The following CDC42BPB variants were observed in gnomAD, a reference collection of about 807,000 sequenced individuals.
The protein encoded by CDC42BPB is CDC42 binding protein kinase beta, also known as serine/threonine-protein kinase MRCK beta.
CDC42BPB carries 37 observed loss-of-function variants against 214.9 expected under a neutral mutation model. That is an observed-to-expected ratio of 0.17 (90% CI 0.13 to 0.23). The LOEUF (loss-of-function observed/expected upper bound fraction) is 0.23. CDC42BPB is among the 10% of genes least tolerant of loss of function. The pLI, the probability that CDC42BPB is intolerant of heterozygous loss-of-function variation, is 1.00. For synonymous variants in CDC42BPB, 931 were observed against 884.0 expected (o/e 1.05, Z -0.94); for missense variants, 1,694 against 2,227.0 (o/e 0.76, Z 4.82).
rs1441946899 is a variant in CDC42BPB, at chr14:102,976,064, A to G, written c.1221-15T>C. 2 of 1,604,180 alleles carry G rather than the reference A, an allele frequency of 1.2e-6. No homozygotes were observed. Among genetic ancestry groups the G allele is most frequent in the African/African-American group, 1.3e-5 (1 of 74,776 alleles). On this transcript the variant is annotated splice_polypyrimidine_tract_variant and intron_variant, in intron 9 of 36. Coordinates refer to ENST00000361246, the MANE Select transcript of CDC42BPB (RefSeq NM_006035.4). The stretch of plus-strand genomic sequence containing the variant: ...CAGAAAAACAGCTGGGAAACCAAGC[A>G]ACAGGTTTTTTTGATCTACTGAAAA...
intron 17 of CDC42BPB, 164 bp from the exon 18 acceptor site, chr14:102,966,551 T>A (rs1257547027): frequency 1.0e-6 from 1 of 983,726 alleles, no homozygotes; most frequent in Non-Finnish European, 1.2e-6. Context: ...CATTGATGGA[T>A]GCGTCGTTAC....
At chr14:102,934,504 A>T (rs1385326038) in intron 36 of CDC42BPB, among the ~76,000 whole-genome samples, 2 of 152,226 alleles carry the variant, frequency 1.3e-5, no homozygotes, top group Middle Eastern at 3.4e-3. Flanking sequence ...ACTGCACTCC[A>T]GCCTGGGCGA....
Position 102,943,882 on chromosome 14 carries a change from T to C in CDC42BPB, c.4408+9A>G. ...CAACAGGGATATGCAACAGAAAACATATACATACTACAGGCGACAGGAGCC... is the reference window on the plus strand; with the variant it reads ...CAACAGGGATATGCAACAGAAAACACATACATACTACAGGCGACAGGAGCC... On this transcript the variant is annotated intron_variant, in intron 30 of 36. Transcript: ENST00000361246. This position sits in a 1 kb window ranked among gnomAD's most constrained non-coding sequence, Gnocchi z 4.6. 1 of 1,596,800 alleles carries C rather than the reference T, an allele frequency of 6.3e-7. No individual in the cohort carries two copies. Among genetic ancestry groups the C allele is most frequent in the Non-Finnish European group, 8.5e-7 (1 of 1,173,472 alleles).
chr14:102,965,372 C>A, intron 18 of CDC42BPB, among the ~76,000 whole-genome samples: 1 of 142,050 alleles, frequency 7.0e-6, no homozygotes. Flanking sequence ...TGTCATTACT[C>A]ATTCCTACCT....
At position 102,939,677 on chromosome 14, in the gene CDC42BPB, G is replaced by A. The variant is rs1379502143; in HGVS notation, c.4760C>T (p.Thr1587Ile). 1.9e-6 allele frequency: 3 copies of A among 1,614,094 alleles called. No homozygotes were observed. Among genetic ancestry groups the A allele is most frequent in the African/African-American group, 2.7e-5 (2 of 74,954 alleles). Residue 1587 changes from threonine (T) to isoleucine (I), a missense_variant, in exon 34 of 37, where the codon ACC becomes ATC. Coordinates refer to ENST00000361246, the MANE Select transcript of CDC42BPB (RefSeq NM_006035.4). ...ELRSKMISNP[T>I]NFNHVAHMGP... Reference sequence around the variant, plus strand: ...CATGTGGGCCACGTGGTTGAAGTTGGTTGGGTTGGATATCATTTTGGATCT... The same window carrying A: ...CATGTGGGCCACGTGGTTGAAGTTGATTGGGTTGGATATCATTTTGGATCT...
intron 30 of CDC42BPB, chr14:102,940,526 T>A: frequency 7.3e-7 from 1 of 1,363,944 alleles, no homozygotes; most frequent in Non-Finnish European, 9.7e-7. Context: ...ATCCAATGTT[T>A]AAATGCTCCA....
chr14:102,936,070 G>C (rs550754601), intron 36 of CDC42BPB, among the ~76,000 whole-genome samples: 1 of 152,324 alleles, frequency 6.6e-6, no homozygotes, highest in Admixed American at 6.5e-5. Flanking sequence ...ATAGCCACCA[G>C]GACGACTATT....
rs1298927172 is a variant in CDC42BPB at position 102,933,222 on chromosome 14, A to G, written c.*490T>C. ...TGGCTAAATGAAAAAAAGGCCACAG[A>G]CTAACCTCCACTTTCCTGTCTTCAA... On this transcript the variant is annotated 3_prime_UTR_variant, in exon 37 of 37. Transcript: ENST00000361246. The G allele has an allele frequency of 1.3e-5, 2 of 153,098 alleles. No individual in the cohort carries two copies. The highest frequency in any genetic ancestry group is 4.1e-4 in the South Asian group (2 of 4,840). 9.5% of individuals were successfully genotyped at this position (153,098 alleles called of 1,614,324 possible).
In CDC42BPB at chr14:103,008,451, C is replaced by T. The variant is rs377597174; in HGVS notation, c.351+21G>A. 6 of 1,516,438 alleles carry T rather than the reference C, an allele frequency of 4.0e-6. No individual in the cohort carries two copies. The African/African-American group carries it at 4.1e-5, about 10-fold the overall frequency. 93.9% of individuals were successfully genotyped at this position (1,516,438 alleles called of 1,614,324 possible). ...CTCACCCCAAGCCCCATTTGTATGG[C>T]TTTTCAAGCTCCATACTTACCTCTG... is the stretch of plus-strand genomic sequence containing the variant. On this transcript the variant is annotated intron_variant, in intron 3 of 36. Transcript: ENST00000361246.
chr14:103,015,865 C>T (rs373729450), intron 1 of CDC42BPB, among the ~76,000 whole-genome samples: 5 of 151,960 alleles, frequency 3.3e-5, no homozygotes, highest in East Asian at 1.9e-4. Context: ...CGTGCCACCA[C>T]ACCCAGCTAA....
chr14:102,967,033 G>T lies in CDC42BPB; in HGVS notation c.2471+13C>A, dbSNP rs755785152. 2 of 1,612,832 alleles carry T rather than the reference G, an allele frequency of 1.2e-6. No individual in the cohort carries two copies. The highest frequency in any genetic ancestry group is 1.7e-6 in the Non-Finnish European group (2 of 1,179,698). ...GAGCGGATTCACGGCCGCTAATGGG[G>T]CCGCGCACGTACCACTGAATGATTT... On this transcript the variant is annotated intron_variant, in intron 17 of 36. Coordinates refer to ENST00000361246, the MANE Select transcript of CDC42BPB (RefSeq NM_006035.4).
intron 1 of CDC42BPB, among the ~76,000 whole-genome samples, chr14:103,048,378 T>C (rs2139773849): frequency 6.6e-6 from 1 of 151,816 alleles, no homozygotes; most frequent in South Asian, 2.1e-4. Context: ...ACCCCATCTG[T>C]ACTAAAAACA....
chr14:103,016,517 G>GGGGAGGGAACCAGGTGAC (rs1886472235), intron 1 of CDC42BPB, among the ~76,000 whole-genome samples: 1 of 151,862 alleles, frequency 6.6e-6, no homozygotes, highest in Non-Finnish European at 1.5e-5. Flanking sequence ...AACCAGGTGA[G>GGGGAGGGAACCAGGTGAC]GGGAGGGAAC....
intron 6 of CDC42BPB, among the ~76,000 whole-genome samples, chr14:102,984,329 A>G (rs17101129): frequency 0.034 from 5,224 of 152,152 alleles, 321 homozygotes; most frequent in African/African-American, 0.12. Flanking sequence ...TTTTTAGAAT[A>G]AAGACTCCAG....
chr14:102,996,790 C>G (rs1392440966), intron 5 of CDC42BPB, among the ~76,000 whole-genome samples: 5 of 115,590 alleles, frequency 4.3e-5, no homozygotes, highest in Non-Finnish European at 8.4e-5. Context: ...CCAGCCTAGG[C>G]AACAAGAGTG....
intron 36 of CDC42BPB, among the ~76,000 whole-genome samples, chr14:102,936,127 T>C (rs567850814): frequency 6.6e-6 from 1 of 152,352 alleles, no homozygotes; most frequent in African/African-American, 2.4e-5. Flanking sequence ...TGTCGAGATA[T>C]GAGAACCCTC....
intron 1 of CDC42BPB, among the ~76,000 whole-genome samples, chr14:103,025,323 G>A (rs764356139): frequency 3.0e-4 from 46 of 151,934 alleles, no homozygotes; most frequent in Non-Finnish European, 4.7e-4. Context: ...GTACCCTACG[G>A]CACAGAAATT....
intron 26 of CDC42BPB, 163 bp from the exon 27 acceptor site, chr14:102,947,965 C>T: frequency 3.0e-6 from 3 of 983,756 alleles, no homozygotes; most frequent in Non-Finnish European, 3.6e-6. Flanking sequence ...CGGGCAGGGC[C>T]AACAAACTCA....
chr14:102,937,819 GA>G (rs1891708580), intron 36 of CDC42BPB, among the ~76,000 whole-genome samples: 1 of 152,248 alleles, frequency 6.6e-6, no homozygotes, highest in Non-Finnish European at 1.5e-5. Flanking sequence ...GAGTCCAGAG[GA>G]AAGAGGCAGG....
Sources: allele counts gnomAD v4.1 joint callset (sites outside exome capture counted in the v4.1 genomes callset), GRCh38; gene constraint gnomAD v4.1.1; non-coding constraint Gnocchi (gnomAD v3.1); transcripts MANE v1.5; gene names NCBI Gene and HGNC (gene_info 2026-07-23, HGNC 2026-07-21).